Variants in ABCB7 observed in about 807,000 individuals in gnomAD.
The protein encoded by ABCB7 is iron-sulfur clusters transporter ABCB7, mitochondrial.
A neutral mutation model predicts 54.4 loss-of-function variants in ABCB7; 7 were observed. The observed-to-expected ratio is 0.13, with a 90% CI of 0.07 to 0.24. ABCB7 has a LOEUF of 0.24. ABCB7 is among the 10% of genes least tolerant of loss of function. The pLI, the probability that ABCB7 is intolerant of heterozygous loss-of-function variation, is 1.00. For missense variants in ABCB7, 356 were observed against 570.4 expected (o/e 0.62, Z 3.83); for synonymous variants, 218 against 207.1 (o/e 1.05, Z -0.45).
rs79978805 is a variant in ABCB7, at chrX:75,093,762, TTAA to T, written c.453+5177_453+5179del. On this transcript the variant is annotated intron_variant, in intron 4 of 15. Transcript: ENST00000373394. ...TAAAACTTCTCTAAGATATAGTATT[TTAA>T]TAATAATAATAATAATACCAGGGTA... Among the ~76,000 whole-genome samples the T allele has an allele frequency of 6.9e-5, 7 of 100,902 alleles. No individual in the cohort carries two copies. The South Asian group carries it at 2.4e-3, about 35-fold the overall frequency. The allele number at this position is 100,902 out of a possible 115,157, so 87.6% of individuals were successfully genotyped here.
At chrX:75,067,495 T>A (rs1366162591) in intron 12 of ABCB7, among the ~76,000 whole-genome samples, 1 of 110,801 alleles carries the variant, frequency 9.0e-6, no homozygotes, top group East Asian at 2.8e-4. Context: ...TTTTTCTTTT[T>A]TATTTTTGAG....
At chrX:75,059,680 C>A (rs960346330) in intron 15 of ABCB7, among the ~76,000 whole-genome samples, 6 of 111,161 alleles carry the variant, frequency 5.4e-5, no homozygotes, top group African/African-American at 2.0e-4. Flanking sequence ...AATAGTGGTA[C>A]TCTGATTTGT....
At chrX:75,086,782 C>G (rs2081501280) in intron 4 of ABCB7, among the ~76,000 whole-genome samples, 1 of 111,327 alleles carries the variant, frequency 9.0e-6, no homozygotes, top group Admixed American at 9.5e-5. Context: ...TCACGAGGCC[C>G]CACTAAACAA....
intron 14 of ABCB7, 131 bp downstream of exon 14, chrX:75,062,197 G>A (rs917066736): frequency 3.4e-5 from 18 of 533,958 alleles, no homozygotes; most frequent in Non-Finnish European, 5.0e-5. Flanking sequence ...GAAAAAGGGG[G>A]ATAGGCATTT....
intron 8 of ABCB7, among the ~76,000 whole-genome samples, chrX:75,072,035 C>T (rs2081367268): frequency 9.0e-6 from 1 of 111,556 alleles, no homozygotes; most frequent in Non-Finnish European, 1.9e-5. Flanking sequence ...ATTTAGTCAC[C>T]TGCATACTTA....
intron 15 of ABCB7, among the ~76,000 whole-genome samples, chrX:75,056,898 C>A (rs777131988): frequency 1.8e-5 from 2 of 111,541 alleles, no homozygotes; most frequent in Non-Finnish European, 3.8e-5. Context: ...TTCAAATTTC[C>A]TTTGGGTTAT....
intron 4 of ABCB7, among the ~76,000 whole-genome samples, chrX:75,078,540 T>C (rs1258560851): frequency 9.0e-6 from 1 of 111,449 alleles, no homozygotes; most frequent in Admixed American, 9.5e-5. Flanking sequence ...GTGACAAAAC[T>C]GACATTTACT....
At chrX:75,069,978 GA>G (rs1212088252) in intron 10 of ABCB7, among the ~76,000 whole-genome samples, 1 of 110,742 alleles carries the variant, frequency 9.0e-6, no homozygotes, top group Admixed American at 9.7e-5. Context: ...AGGTTCAAGC[GA>G]TTCTCCTGAC....
intron 1 of ABCB7, among the ~76,000 whole-genome samples, chrX:75,118,841 G>A (rs1275982800): frequency 1.8e-5 from 2 of 111,362 alleles, no homozygotes; most frequent in Non-Finnish European, 3.8e-5. Context: ...ACTCCCATGG[G>A]GATGAGCTGA....
At chrX:75,057,583 C>T (rs1023134961) in intron 15 of ABCB7, among the ~76,000 whole-genome samples, 4 of 109,930 alleles carry the variant, frequency 3.6e-5, no homozygotes, top group Non-Finnish European at 7.6e-5. Flanking sequence ...TCTACATTTT[C>T]CATTGAGTTC....
chrX:75,053,361 T>A lies in ABCB7; in HGVS notation c.*9A>T. On this transcript the variant is annotated 3_prime_UTR_variant, in exon 16 of 16. Coordinates refer to ENST00000373394, the MANE Select transcript of ABCB7 (RefSeq NM_001271696.3). Reference sequence around the variant, plus strand: ...CAAAACAACAAAAAAAGAAAATGTCTTATGTGACTTAGCACGAACAGTTTC... The same window carrying A: ...CAAAACAACAAAAAAAGAAAATGTCATATGTGACTTAGCACGAACAGTTTC... 8.3e-7 allele frequency: 1 copy of A among 1,211,194 alleles called. No individual in the cohort carries two copies. Among genetic ancestry groups the A allele is most frequent in the Non-Finnish European group, 1.1e-6 (1 of 895,377 alleles).
intron 1 of ABCB7, among the ~76,000 whole-genome samples, chrX:75,147,060 A>G (rs1351169484): frequency 8.9e-6 from 1 of 111,929 alleles, no homozygotes; most frequent in Non-Finnish European, 1.9e-5. Context: ...GCACACAAAA[A>G]AAAAAATGCT....
intron 1 of ABCB7, among the ~76,000 whole-genome samples, chrX:75,154,972 AT>A (rs763470140): frequency 8.9e-6 from 1 of 112,426 alleles, no homozygotes; most frequent in Non-Finnish European, 1.9e-5. Context: ...TGTTCAGAAC[AT>A]TCTCCCCAGT....
chrX:75,078,342 C>A (rs1255727000), intron 4 of ABCB7, among the ~76,000 whole-genome samples: 2 of 111,513 alleles, frequency 1.8e-5, no homozygotes, highest in African/African-American at 3.3e-5. Context: ...ATAGTTTATA[C>A]CTCAATATTT....
intron 1 of ABCB7, among the ~76,000 whole-genome samples, chrX:75,121,025 A>T (rs2081873372): frequency 9.0e-6 from 1 of 111,048 alleles, no homozygotes; most frequent in Non-Finnish European, 1.9e-5. Context: ...ATGGTGGCTC[A>T]CACCTGTAAT....
intron 4 of ABCB7, among the ~76,000 whole-genome samples, chrX:75,077,864 C>T (rs1371580387): frequency 9.1e-6 from 1 of 109,841 alleles, no homozygotes; most frequent in African/African-American, 3.3e-5. Flanking sequence ...ATAAATTTCT[C>T]AAATCTGATT....
chrX:75,086,164 A>T (rs188834642), intron 4 of ABCB7, among the ~76,000 whole-genome samples: 3,219 of 111,167 alleles, frequency 0.029, 117 homozygotes, highest in African/African-American at 0.1. Context: ...CTTATAAAAC[A>T]TTTTTTCTTT....
chrX:75,095,956 A>AT (rs2081587177), intron 4 of ABCB7, among the ~76,000 whole-genome samples: 1 of 112,071 alleles, frequency 8.9e-6, no homozygotes, highest in Non-Finnish European at 1.9e-5. Flanking sequence ...CTAAAAATAA[A>AT]TTCTAATACA....
At chrX:75,149,286 C>A (rs1422368093) in intron 1 of ABCB7, among the ~76,000 whole-genome samples, 4 of 111,900 alleles carry the variant, frequency 3.6e-5, no homozygotes, top group Non-Finnish European at 7.5e-5. Flanking sequence ...AGAATGTTAT[C>A]CTGTAAGTCA....
Sources: allele counts gnomAD v4.1 joint callset (sites outside exome capture counted in the v4.1 genomes callset), GRCh38; gene constraint gnomAD v4.1.1; transcripts MANE v1.5; gene names NCBI Gene and HGNC (gene_info 2026-07-23, HGNC 2026-07-21).